VPS52: variants seen among roughly 807,000 people sequenced by gnomAD.
The protein encoded by VPS52 is vacuolar protein sorting-associated protein 52 homolog.
VPS52 carries 56 observed loss-of-function variants against 98.7 expected under a neutral mutation model. The observed-to-expected ratio is 0.57, with a 90% CI of 0.46 to 0.71. The LOEUF (loss-of-function observed/expected upper bound fraction) is 0.71. Ranked by LOEUF, VPS52 falls within the 30% of genes least tolerant of loss-of-function variation. The probability of loss-of-function intolerance (pLI) is 0.00; values close to 1 mark genes in which losing one functional copy is unlikely to be tolerated. For missense variants in VPS52, 742 were observed against 925.9 expected, an observed-to-expected ratio of 0.80 and a Z score of 2.58; for synonymous variants, 348 against 346.4, an observed-to-expected ratio of 1.00 and a Z score of -0.05.
rs555726258 is a variant in VPS52 at position 33,271,595 on chromosome 6, C to T, written c.81G>A (p.Glu27=). 5 of 1,608,210 alleles carry T rather than the reference C, an allele frequency of 3.1e-6. No individual in the cohort carries two copies. The highest frequency in any genetic ancestry group is 3.4e-5 in the Admixed American group (2 of 59,580). Residue 27 remains glutamate, a synonymous_variant, in exon 1 of 20, where the codon GAG becomes GAA. Transcript: ENST00000445902. Reference sequence around the variant, plus strand: ...AGCTCCGCGCTCTCACCAGCGGGCCCTCTTCCTCCTCCATATCTGAGGTCC... The same window carrying T: ...AGCTCCGCGCTCTCACCAGCGGGCCTTCTTCCTCCTCCATATCTGAGGTCC... ...RAGTSDMEEE[E]GPLAGGPGLQ... is the part of the protein sequence containing the mutation.
chr6:33,266,847 C>A (rs914696022), intron 11 of VPS52, 135 bp from the exon 12 acceptor site: 13 of 1,219,810 alleles, frequency 1.1e-5, no homozygotes, highest in African/African-American at 1.5e-5. Context: ...TAGGTCCGGG[C>A]TGTCTAAGAG....
At position 33,250,975 on chromosome 6, in the gene VPS52, G is replaced by A; in HGVS notation, c.2038C>T (p.Gln680Ter). The change falls in exon 20 of 20, where the codon CAG becomes TAG. Residue 680 changes from glutamine (Q) to a stop codon, truncating the protein, a stop_gained. Transcript: ENST00000445902. LOFTEE classifies it high-confidence loss of function. Reference sequence around the variant, plus strand: ...AAGCGATGATAGAGCTGGATCAGCTGGGTCAGCGCTCCCTGGTCAAAGAAA... The same window carrying A: ...AAGCGATGATAGAGCTGGATCAGCTAGGTCAGCGCTCCCTGGTCAAAGAAA... ...GTSIIQGALT[Q>*]LIQLYHRFHR... The A allele has an allele frequency of 6.2e-7, 1 of 1,613,070 alleles. No individual in the cohort carries two copies. Among genetic ancestry groups the A allele is most frequent in the Non-Finnish European group, 8.5e-7 (1 of 1,180,030 alleles).
chr6:33,266,012 C>T (rs953054145), intron 12 of VPS52, among the ~76,000 whole-genome samples: 16 of 151,548 alleles, frequency 1.1e-4, no homozygotes, highest in Admixed American at 6.6e-4. Context: ...GATTACAGGC[C>T]GCGCACACCT....
At chr6:33,256,437 C>T (rs1388669769) in intron 17 of VPS52, among the ~76,000 whole-genome samples, 1 of 122,450 alleles carries the variant, frequency 8.2e-6, no homozygotes, top group African/African-American at 3.2e-5. Flanking sequence ...TGCACTCCAA[C>T]CTGAGTGACA....
intron 17 of VPS52, 36 bp from the exon 18 acceptor site, chr6:33,252,007 G>A: frequency 3.8e-6 from 6 of 1,577,948 alleles, no homozygotes; most frequent in Non-Finnish European, 5.2e-6. Context: ...CAGGTGTCCT[G>A]GTGTCAGCAG....
chr6:33,251,323 C>G (rs1469107089), intron 19 of VPS52, among the ~76,000 whole-genome samples, 195 bp downstream of exon 19: 1 of 150,444 alleles, frequency 6.6e-6, no homozygotes, highest in Non-Finnish European at 1.5e-5. Context: ...GCCTGGACAA[C>G]AGAGCTAGAC....
Position 33,250,961 on chromosome 6 carries a change from GAGCTGGATC to G in VPS52, c.2043_2051del (p.Ile682_Leu684del). 1.2e-6 allele frequency: 2 copies of G among 1,613,058 alleles called. No individual in the cohort carries two copies. The highest frequency in any genetic ancestry group is 1.7e-6 in the Non-Finnish European group (2 of 1,180,042). On this transcript the variant is annotated inframe_deletion, in exon 20 of 20. Transcript: ENST00000445902. ...ACAGCACCCGGTGGAAGCGATGATA[GAGCTGGATC>G]AGCTGGGTCAGCGCTCCCTGGTCAA...
At chr6:33,257,310 C>A (rs538874410) in intron 17 of VPS52, among the ~76,000 whole-genome samples, 57 of 152,306 alleles carry the variant, frequency 3.7e-4, no homozygotes, top group African/African-American at 1.3e-3. Flanking sequence ...GCTGGGATTA[C>A]AGGCTTTAGC....
intron 12 of VPS52, among the ~76,000 whole-genome samples, chr6:33,266,002 G>A (rs772590737): frequency 6.6e-6 from 1 of 152,000 alleles, no homozygotes; most frequent in African/African-American, 2.4e-5. Context: ...GAGTAGCTGG[G>A]ATTACAGGCC....
At chr6:33,260,552 C>T (rs1763502958) in intron 17 of VPS52, among the ~76,000 whole-genome samples, 1 of 152,182 alleles carries the variant, frequency 6.6e-6, no homozygotes, top group Non-Finnish European at 1.5e-5. Flanking sequence ...CTGAAACCAT[C>T]CCTGTGCTTC....
chr6:33,257,919 G>C (rs112204928), intron 17 of VPS52, among the ~76,000 whole-genome samples: 5,757 of 152,232 alleles, frequency 0.038, 188 homozygotes, highest in African/African-American at 0.086. Flanking sequence ...GGAGGCTGAG[G>C]GAGGAGGGTT....
intron 1 of VPS52, 85 bp downstream of exon 1, chr6:33,271,501 C>T: frequency 6.5e-7 from 1 of 1,541,830 alleles, no homozygotes; most frequent in Non-Finnish European, 8.8e-7. Flanking sequence ...AGCCAAGTTC[C>T]CACCCTTGTG....
intron 4 of VPS52, 83 bp downstream of exon 4, chr6:33,269,661 T>C: frequency 6.4e-7 from 1 of 1,570,642 alleles, no homozygotes; most frequent in Non-Finnish European, 8.7e-7. Context: ...CTCAGAGATG[T>C]TGACCCCAGC....
Position 33,263,905 on chromosome 6 carries a change from A to C in VPS52, c.1621-26T>G. 5 of 1,613,964 alleles carry C rather than the reference A, an allele frequency of 3.1e-6. No homozygotes were observed. The South Asian group carries it at 5.5e-5, about 18-fold the overall frequency. On this transcript the variant is annotated intron_variant, in intron 15 of 19. Transcript: ENST00000445902. ...CTGAAAAGGCAGAGAGGAAGAGGTG[A>C]CACCAGAAAGCAAGGTCATCTGGGC...
At chr6:33,271,116 G>C in intron 1 of VPS52, 1 of 392,070 alleles carries the variant, frequency 2.6e-6, no homozygotes, top group South Asian at 3.7e-5. Flanking sequence ...TTCTAGAAAT[G>C]TCAAAACACA....
intron 17 of VPS52, among the ~76,000 whole-genome samples, chr6:33,262,729 T>C (rs148901009): frequency 9.8e-5 from 15 of 152,328 alleles, no homozygotes; most frequent in Non-Finnish European, 1.9e-4. Context: ...ACAACATGCA[T>C]AGAATTGGAA....
At position 33,271,332 on chromosome 6, in the gene VPS52, C is replaced by T. The variant is rs1765038574; in HGVS notation, c.90+254G>A. The T allele has an allele frequency of 1.8e-5, 12 of 682,718 alleles. No individual in the cohort carries two copies. The South Asian group carries it at 1.9e-4, about 11-fold the overall frequency. 42.3% of individuals were successfully genotyped at this position (682,718 alleles called of 1,614,324 possible). A position where few individuals can be genotyped will look rare whatever the true frequency, so the allele number is the denominator to read the frequency against. On this transcript the variant is annotated intron_variant, in intron 1 of 19. Transcript: ENST00000445902. ...TGGCTTCAGAGGCCATGTTCTTAAC[C>T]TTTACACTATACTACTTCGTGACTC... is the stretch of plus-strand genomic sequence containing the variant.
rs1763977918 is a variant in VPS52, at chr6:33,264,030, A to G, written c.1598T>C (p.Met533Thr). 1 of 1,614,234 alleles carries G rather than the reference A, an allele frequency of 6.2e-7. No homozygotes were observed. The highest frequency in any genetic ancestry group is 8.5e-7 in the Non-Finnish European group (1 of 1,180,042). The stretch of plus-strand genomic sequence containing the variant: ...CACCTGCAGCTGTCCCAGCAATTGC[A>G]TGGTCCGTTCATTAGGAATTGTCTG... ...INQTIPNERTMQLLGQLQVEV... is the reference protein window; with the variant it reads ...INQTIPNERTTQLLGQLQVEV... Residue 533 changes from methionine (M) to threonine (T), a missense_variant, in exon 15 of 20, where the codon ATG (methionine) becomes ACG (threonine). This residue lies in a region of VPS52 where 590 missense variants were observed against 793.3 expected (regional missense o/e 0.74). Coordinates refer to ENST00000445902, the MANE Select transcript of VPS52 (RefSeq NM_022553.6).
At chr6:33,265,237 C>T (rs1333191464) in intron 12 of VPS52, among the ~76,000 whole-genome samples, 4 of 152,044 alleles carry the variant, frequency 2.6e-5, no homozygotes, top group Admixed American at 6.6e-5. Flanking sequence ...CCACCACGCC[C>T]GACTAATTTT....
Sources: gnomAD v4.1 joint callset for allele counts (sites outside exome capture counted in the v4.1 genomes callset) on GRCh38, gnomAD v4.1.1 for gene constraint, gnomAD v4.1.1 regional missense constraint, MANE v1.5 for transcripts, NCBI Gene and HGNC (gene_info 2026-07-23, HGNC 2026-07-21) for gene names.